GALNT18: variants seen among roughly 807,000 people sequenced by gnomAD.
GALNT18 encodes the protein polypeptide N-acetylgalactosaminyltransferase 18.
A neutral mutation model predicts 69.5 loss-of-function variants in GALNT18; 44 were observed. That is an observed-to-expected ratio of 0.63 (90% CI 0.50 to 0.81). The LOEUF (loss-of-function observed/expected upper bound fraction) is 0.81, where lower values mean the gene tolerates loss of function less well. GALNT18 is among the 40% of genes least tolerant of loss of function. The pLI is 0.00. For synonymous variants in GALNT18, 364 were observed against 318.2 expected, an observed-to-expected ratio of 1.14 and a Z score of -1.53; for missense variants, 715 against 810.0, an observed-to-expected ratio of 0.88 and a Z score of 1.42.
rs1342412296 is a variant in GALNT18 at position 11,415,344 on chromosome 11, G to T, written c.595+17277C>A. ...CCCAGGAATCAGGGCTGGGAAGGGT[G>T]GGGGATGACTTAGAATTCTGCCCAC... On this transcript the variant is annotated intron_variant, in intron 3 of 10. Transcript: ENST00000227756. The surrounding 1 kb of genome is among the most constrained non-coding windows in gnomAD (Gnocchi z 4.1). Among the ~76,000 whole-genome samples, 1 of 152,106 alleles carries T rather than the reference G, an allele frequency of 6.6e-6. No individual in the cohort carries two copies. The highest frequency in any genetic ancestry group is 1.5e-5 in the Non-Finnish European group (1 of 68,020).
rs1590040371 is a variant in GALNT18 at position 11,480,549 on chromosome 11, G to T, written c.236-31613C>A. Among the ~76,000 whole-genome samples the T allele has an allele frequency of 9.4e-5, 1 of 10,604 alleles. No individual in the cohort carries two copies. Among genetic ancestry groups the T allele is most frequent in the South Asian group, 0.071 (1 of 14 alleles). 7.0% of individuals were successfully genotyped at this position (10,604 alleles called of 152,430 possible). A position where few individuals can be genotyped will look rare whatever the true frequency, so the allele number is the denominator to read the frequency against. On this transcript the variant is annotated intron_variant, in intron 1 of 10. Transcript: ENST00000227756. This position sits in a 1 kb window ranked among gnomAD's most constrained non-coding sequence, Gnocchi z 4.6. Reference sequence around the variant, plus strand: ...ATCAGACACTCTGCTTCTAGTGTCTGGTTAGAAAGAGGCTCTGAGCAGTCT... The same window carrying T: ...ATCAGACACTCTGCTTCTAGTGTCTTGTTAGAAAGAGGCTCTGAGCAGTCT...
rs573227763 is a variant in GALNT18 at position 11,603,790 on chromosome 11, GTTA to G, written c.235+17566_235+17568del. On this transcript the variant is annotated intron_variant, in intron 1 of 10. Coordinates refer to ENST00000227756, the MANE Select transcript of GALNT18 (RefSeq NM_198516.3). This position sits in a 1 kb window ranked among gnomAD's most constrained non-coding sequence, Gnocchi z 4.5. ...GGGGACAGAAATTACTGAAATCAGA[GTTA>G]TTACAAAGCATAACATTTGCTATCA... 2.0e-5 allele frequency among the ~76,000 whole-genome samples: 3 copies of G among 152,192 alleles called. No homozygotes were observed. Among genetic ancestry groups the G allele is most frequent in the Non-Finnish European group, 2.9e-5 (2 of 68,032 alleles).
At chr11:11,354,168 T>C (rs1049193333) in intron 6 of GALNT18, among the ~76,000 whole-genome samples, 5 of 152,242 alleles carry the variant, frequency 3.3e-5, no homozygotes, top group Non-Finnish European at 7.3e-5. Context: ...ATGGGCATCA[T>C]CACTGGTGTC....
intron 1 of GALNT18, among the ~76,000 whole-genome samples, chr11:11,607,046 G>A (rs1056553703): frequency 1.3e-5 from 2 of 152,210 alleles, no homozygotes; most frequent in Non-Finnish European, 2.9e-5. Flanking sequence ...GATATGTGAG[G>A]AAAGAGAAAG....
intron 1 of GALNT18, among the ~76,000 whole-genome samples, chr11:11,612,354 A>T (rs1660895009): frequency 6.6e-6 from 1 of 152,202 alleles, no homozygotes; most frequent in Admixed American, 6.5e-5. Flanking sequence ...CCCTTGATAC[A>T]ATCAATCTTT....
At chr11:11,284,736 C>T (rs1293170487) in intron 10 of GALNT18, among the ~76,000 whole-genome samples, 2 of 152,030 alleles carry the variant, frequency 1.3e-5, no homozygotes, top group Non-Finnish European at 2.9e-5. Flanking sequence ...ATGGTGAGCT[C>T]AGGAGTTTCT....
chr11:11,347,660 C>A lies in GALNT18; in HGVS notation c.1093-6656G>T, dbSNP rs1311837016. ...CTCTTGGCAAACTGTTCCCACTGTT[C>A]TCTTAGCCCAGAAAGCCTCCTTCCT... On this transcript the variant is annotated intron_variant, in intron 6 of 10. Coordinates refer to ENST00000227756, the MANE Select transcript of GALNT18 (RefSeq NM_198516.3). This position sits in a 1 kb window ranked among gnomAD's most constrained non-coding sequence, Gnocchi z 4.0. Among the ~76,000 whole-genome samples the A allele has an allele frequency of 1.3e-5, 2 of 152,190 alleles. No individual in the cohort carries two copies. Among genetic ancestry groups the A allele is most frequent in the African/African-American group, 4.8e-5 (2 of 41,442 alleles).
chr11:11,392,786 G>A (rs1854225833), intron 3 of GALNT18, among the ~76,000 whole-genome samples: 1 of 152,112 alleles, frequency 6.6e-6, no homozygotes, highest in African/African-American at 2.4e-5. Context: ...CAGCATTACA[G>A]CCATCTTTTT....
chr11:11,341,985 A>G lies in GALNT18; in HGVS notation c.1093-981T>C, dbSNP rs1405925662. On this transcript the variant is annotated intron_variant, in intron 6 of 10. Transcript: ENST00000227756. This position sits in a 1 kb window ranked among gnomAD's most constrained non-coding sequence, Gnocchi z 6.3. ...ACATTAAAATTTTTTTTTTTTTAAA[A>G]AGACCTTGACTATATGGCCCCAACA... Among the ~76,000 whole-genome samples, 1 of 151,576 alleles carries G rather than the reference A, an allele frequency of 6.6e-6. No homozygotes were observed. Among genetic ancestry groups the G allele is most frequent in the East Asian group, 1.9e-4 (1 of 5,156 alleles).
intron 9 of GALNT18, among the ~76,000 whole-genome samples, chr11:11,300,123 GGAGTAC>G (rs1418275444): frequency 6.6e-6 from 1 of 152,204 alleles, no homozygotes; most frequent in Non-Finnish European, 1.5e-5. Flanking sequence ...AGGCACAACT[GGAGTAC>G]GAGTTCTCTT....
At chr11:11,526,232 C>T (rs1052140384) in intron 1 of GALNT18, among the ~76,000 whole-genome samples, 11 of 152,150 alleles carry the variant, frequency 7.2e-5, no homozygotes, top group Non-Finnish European at 1.5e-4. Context: ...AAGCCAGTAT[C>T]GGCTTTTCCA....
chr11:11,594,092 T>A (rs1859428932), intron 1 of GALNT18, among the ~76,000 whole-genome samples: 1 of 152,212 alleles, frequency 6.6e-6, no homozygotes, highest in Non-Finnish European at 1.5e-5. Context: ...CATTTGTGTA[T>A]CTATACATGA....
At chr11:11,316,547 A>G (rs1330990240) in intron 9 of GALNT18, among the ~76,000 whole-genome samples, 1 of 152,174 alleles carries the variant, frequency 6.6e-6, no homozygotes, top group African/African-American at 2.4e-5. Context: ...TAATCTTTAA[A>G]CCTTGAGTCA....
chr11:11,480,279 G>C lies in GALNT18; in HGVS notation c.236-31343C>G, dbSNP rs973899241. ...CTCTCTCTCTCTTTCTCTCTCTCTC[G>C]CCCCCCTCGCCCCAACCTCAGTCAT... On this transcript the variant is annotated intron_variant, in intron 1 of 10. Transcript: ENST00000227756. The surrounding 1 kb of genome is among the most constrained non-coding windows in gnomAD (Gnocchi z 4.6). 2.1e-5 allele frequency among the ~76,000 whole-genome samples: 3 copies of C among 146,040 alleles called. No homozygotes were observed. Among genetic ancestry groups the C allele is most frequent in the African/African-American group, 7.6e-5 (3 of 39,236 alleles).
At chr11:11,399,206 G>T (rs1005375499) in intron 3 of GALNT18, among the ~76,000 whole-genome samples, 1 of 152,090 alleles carries the variant, frequency 6.6e-6, no homozygotes, top group Non-Finnish European at 1.5e-5. Context: ...TATGAGAAGG[G>T]GCTTTCTGCA....
chr11:11,372,538 CG>C lies in GALNT18; in HGVS notation c.1068del (p.Glu357ArgfsTer105). On this transcript the variant is annotated frameshift_variant, in exon 6 of 11. Coordinates refer to ENST00000227756, the MANE Select transcript of GALNT18 (RefSeq NM_198516.3). LOFTEE classifies it high-confidence loss of function. This position sits in a 1 kb window ranked among gnomAD's most constrained non-coding sequence, Gnocchi z 4.9. ...ACCCTGATCCCAAGCTCCACATTCT[CG>C]CCCCCGTAGACTTCCATGCCTTCGT... Reference protein sequence around the residue: ...LLDEGMEVYGGENVELGIRVW... With the variant: ...LLDEGMEVYGXENVELGIRVW... The C allele has an allele frequency of 6.2e-7, 1 of 1,614,188 alleles. No individual in the cohort carries two copies. The highest frequency in any genetic ancestry group is 2.2e-5 in the East Asian group (1 of 44,878).
At chr11:11,499,203 G>C (rs1856926806) in intron 1 of GALNT18, among the ~76,000 whole-genome samples, 1 of 152,190 alleles carries the variant, frequency 6.6e-6, no homozygotes, top group African/African-American at 2.4e-5. Flanking sequence ...TTTAAGACCA[G>C]TTCTCTATCC....
intron 3 of GALNT18, among the ~76,000 whole-genome samples, chr11:11,409,554 T>G (rs942080143): frequency 6.6e-6 from 1 of 152,020 alleles, no homozygotes; most frequent in Non-Finnish European, 1.5e-5. Context: ...TGAAGCCCCA[T>G]GATACATCTG....
Position 11,621,247 on chromosome 11 carries a change from G to T in GALNT18, c.235+112C>A. On this transcript the variant is annotated intron_variant, in intron 1 of 10. Coordinates refer to ENST00000227756, the MANE Select transcript of GALNT18 (RefSeq NM_198516.3). This position sits in a 1 kb window ranked among gnomAD's most constrained non-coding sequence, Gnocchi z 9.3. ...GCCCCACGACTACCACGCATCTGCG[G>T]CCCCAGAGCCCCGCCGTGGCTGAGT... The T allele has an allele frequency of 1.2e-6, 1 of 833,248 alleles. No homozygotes were observed. The allele number at this position is 833,248 out of a possible 1,614,324, so 51.6% of individuals were successfully genotyped here.
Sources: allele counts gnomAD v4.1 joint callset (sites outside exome capture counted in the v4.1 genomes callset), GRCh38; gene constraint gnomAD v4.1.1; non-coding constraint Gnocchi (gnomAD v3.1); transcripts MANE v1.5; gene names NCBI Gene and HGNC (gene_info 2026-07-23, HGNC 2026-07-21).